Variants in MASP1 observed in about 807,000 individuals in gnomAD.
The protein encoded by MASP1 is MBL associated serine protease 1.
MASP1 carries 59 observed loss-of-function variants against 77.1 expected under a neutral mutation model. That is an observed-to-expected ratio of 0.77 (90% confidence interval 0.62 to 0.95). The LOEUF (loss-of-function observed/expected upper bound fraction) is 0.95, where lower values mean the gene tolerates loss of function less well. MASP1 is among the 40% of genes least tolerant of loss of function. The pLI is 0.00. For synonymous variants in MASP1, 362 were observed against 354.5 expected, an observed-to-expected ratio of 1.02 and a Z score of -0.24; for missense variants, 885 against 912.9, an observed-to-expected ratio of 0.97 and a Z score of 0.39.
chr3:187,273,151 C>G (rs1716662878), intron 2 of MASP1, among the ~76,000 whole-genome samples: 1 of 152,112 alleles, frequency 6.6e-6, no homozygotes, highest in African/African-American at 2.4e-5. Context: ...TGAGATTGTC[C>G]CTGGATACTA....
At chr3:187,269,308 T>C (rs988393508) in intron 2 of MASP1, among the ~76,000 whole-genome samples, 5 of 152,104 alleles carry the variant, frequency 3.3e-5, no homozygotes, top group African/African-American at 9.7e-5. Context: ...TTTCATCTAG[T>C]GGAGTGAACT....
intron 5 of MASP1, among the ~76,000 whole-genome samples, chr3:187,254,162 C>T (rs1284657331): frequency 1.3e-5 from 2 of 151,960 alleles, no homozygotes; most frequent in Non-Finnish European, 2.9e-5. Flanking sequence ...TAATTGTAGG[C>T]TGTCATAAGG....
chr3:187,288,480 A>T (rs1268908077), intron 1 of MASP1, among the ~76,000 whole-genome samples: 5 of 152,226 alleles, frequency 3.3e-5, no homozygotes, highest in Non-Finnish European at 5.9e-5. Context: ...TTAGGAGGTC[A>T]TGGGAGGTCT....
intron 8 of MASP1, among the ~76,000 whole-genome samples, chr3:187,246,138 C>G (rs1462145213): frequency 1.3e-5 from 2 of 152,236 alleles, no homozygotes; most frequent in East Asian, 1.9e-4. Flanking sequence ...TCTGGCCACC[C>G]TGAAGTCCTG....
At chr3:187,258,489 A>G (rs1715288428) in intron 4 of MASP1, among the ~76,000 whole-genome samples, 1 of 152,194 alleles carries the variant, frequency 6.6e-6, no homozygotes, top group African/African-American at 2.4e-5. Flanking sequence ...AGCTCCTCCT[A>G]TAACCTGTTG....
At chr3:187,283,140 G>A (rs2108606343) in intron 2 of MASP1, among the ~76,000 whole-genome samples, 1 of 152,296 alleles carries the variant, frequency 6.6e-6, no homozygotes, top group South Asian at 2.1e-4. Context: ...CTTCCAGAGG[G>A]CCCATGTCCA....
chr3:187,267,258 C>A (rs1463471133), intron 2 of MASP1, among the ~76,000 whole-genome samples: 1 of 152,196 alleles, frequency 6.6e-6, no homozygotes, highest in Non-Finnish European at 1.5e-5. Flanking sequence ...TCTTATAACC[C>A]AAATGCCTCA....
At chr3:187,226,577 G>T in intron 11 of MASP1, 2 of 1,228,930 alleles carry the variant, frequency 1.6e-6, no homozygotes, top group Non-Finnish European at 2.4e-6. Context: ...GCCTCCCTCT[G>T]TCTTGAGCTG....
At position 187,249,046 on chromosome 3, in the gene MASP1, TTTTG is replaced by T. The variant is rs560479893; in HGVS notation, c.1090+1201_1090+1204del. 4.3e-3 allele frequency among the ~76,000 whole-genome samples: 652 copies of T among 152,084 alleles called. 2 individuals are homozygous for T. Among genetic ancestry groups the T allele is most frequent in the African/African-American group, 0.014 (569 of 41,512 alleles). Reference sequence around the variant, plus strand: ...ATGGGTGGGACCAACTCTAATTCGTTTTTGTTTGTTTGTTTGTTTTTTCTTTTTT... The same window carrying T: ...ATGGGTGGGACCAACTCTAATTCGTTTTTGTTTGTTTGTTTTTTCTTTTTT... On this transcript the variant is annotated intron_variant, in intron 8 of 10. Transcript: ENST00000296280.
At chr3:187,240,835 T>C (rs992156358) in intron 10 of MASP1, among the ~76,000 whole-genome samples, 5 of 152,160 alleles carry the variant, frequency 3.3e-5, no homozygotes, top group African/African-American at 9.7e-5. Flanking sequence ...GGGGTTCCAC[T>C]GTGTTGACCA....
chr3:187,280,780 G>C (rs974938726), intron 2 of MASP1, among the ~76,000 whole-genome samples: 1 of 152,158 alleles, frequency 6.6e-6, no homozygotes, highest in African/African-American at 2.4e-5. Context: ...TAGAAGAAAA[G>C]ACTGAGAATC....
Position 187,240,987 on chromosome 3 carries a change from A to T in MASP1, c.1303+494T>A, listed in dbSNP as rs144464315. On this transcript the variant is annotated intron_variant, in intron 10 of 10. Coordinates refer to ENST00000296280, the MANE Select transcript of MASP1 (RefSeq NM_139125.4). ...CCTCAAAATCTGTATGCACAGTAAC[A>T]CTTCCTGTTACCACAAAATTTTCTT... is the stretch of plus-strand genomic sequence containing the variant. Among the ~76,000 whole-genome samples the T allele has an allele frequency of 3.0e-4, 46 of 152,292 alleles. 1 individual carries two copies. The highest frequency in any genetic ancestry group is 1.1e-3 in the African/African-American group (44 of 41,564).
intron 1 of MASP1, among the ~76,000 whole-genome samples, chr3:187,286,763 A>G (rs943092767): frequency 6.6e-6 from 1 of 152,146 alleles, no homozygotes; most frequent in Non-Finnish European, 1.5e-5. Flanking sequence ...GTCAGTCTGT[A>G]CTCACCACAC....
chr3:187,235,371 G>T lies in MASP1; in HGVS notation c.*313C>A, dbSNP rs1393962711. 7.0e-7 allele frequency: 1 copy of T among 1,428,078 alleles called. No individual in the cohort carries two copies. Among genetic ancestry groups the T allele is most frequent in the East Asian group, 3.3e-5 (1 of 30,420 alleles). 88.5% of individuals were successfully genotyped at this position (1,428,078 alleles called of 1,614,324 possible). A position where few individuals can be genotyped will look rare whatever the true frequency, so the allele number is the denominator to read the frequency against. On this transcript the variant is annotated 3_prime_UTR_variant, in exon 11 of 11. Transcript: ENST00000296280. ...TGAATAAAGGCCACTGGGGTAAGAA[G>T]CATGGCCTGGAAAGGAGTGCTGGGA...
chr3:187,230,877 A>T (rs1712729284), downstream of MASP1, among the ~76,000 whole-genome samples: 1 of 152,192 alleles, frequency 6.6e-6, no homozygotes, highest in Non-Finnish European at 1.5e-5. Flanking sequence ...CCAGCCCCAT[A>T]AACTTTTAAT....
rs1413759396 is a variant in MASP1, at chr3:187,262,642, C to T, written c.316G>A (p.Val106Met). Residue 106 changes from valine to methionine, a missense_variant, in exon 3 of 11, where the codon GTG becomes ATG. Physicochemically the swap from Val to Met is conservative, Grantham distance 21. Coordinates refer to ENST00000296280, the MANE Select transcript of MASP1 (RefSeq NM_139125.4). Reference protein sequence around the residue: ...TDTEQTPGQEVVLSPGSFMSI... With the variant: ...TDTEQTPGQEMVLSPGSFMSI... ...ATGAAGGAGCCAGGGGAGAGGACCA[C>T]CTCCTGGCCGGGAGTCTGCTCTGTG... The T allele has an allele frequency of 2.5e-6, 4 of 1,614,136 alleles. No homozygotes were observed. The highest frequency in any genetic ancestry group is 1.7e-5 in the Admixed American group (1 of 60,020).
intron 13 of MASP1, among the ~76,000 whole-genome samples, chr3:187,223,405 T>C (rs2108500108): frequency 6.6e-6 from 1 of 152,338 alleles, no homozygotes; most frequent in South Asian, 2.1e-4. Flanking sequence ...TATGATGTGT[T>C]ACTGGCTTAC....
exon 14 of MASP1, chr3:187,223,188 A>G (rs763527779): frequency 1.2e-6 from 2 of 1,614,030 alleles, no homozygotes; most frequent in South Asian, 1.1e-5. Flanking sequence ...GACGATGACC[A>G]TGGCTCCTGG....
chr3:187,236,609 G>GT (rs1713213208), intron 10 of MASP1, 42 bp from the exon 11 acceptor site: 3 of 1,612,902 alleles, frequency 1.9e-6, no homozygotes, highest in Non-Finnish European at 2.5e-6. Flanking sequence ...GACAGAGACT[G>GT]GTCAGGTCAG....
Sources: gnomAD v4.1 joint callset for allele counts (sites outside exome capture counted in the v4.1 genomes callset) on GRCh38, gnomAD v4.1.1 for gene constraint, MANE v1.5 for transcripts, NCBI Gene and HGNC (gene_info 2026-07-23, HGNC 2026-07-21) for gene names.